CYP7B1: variants seen among roughly 807,000 people sequenced by gnomAD.
The protein encoded by CYP7B1 is cytochrome P450 7B1.
A neutral mutation model predicts 42.7 loss-of-function variants in CYP7B1; 29 were observed. The ratio of observed to expected loss-of-function variants is 0.68; its 90% CI spans 0.51 to 0.93. CYP7B1 has a LOEUF of 0.93. Among genes scored for constraint, CYP7B1 ranks in the 40% least tolerant of loss-of-function variants. The probability of loss-of-function intolerance (pLI) is 0.00; values close to 1 mark genes in which losing one functional copy is unlikely to be tolerated. For synonymous variants in CYP7B1, 235 were observed against 218.2 expected (o/e 1.08, Z -0.68); for missense variants, 655 against 600.5 (o/e 1.09, Z -0.95).
intron 1 of CYP7B1, among the ~76,000 whole-genome samples, chr8:64,786,315 C>T (rs1804525590): frequency 1.3e-5 from 2 of 152,140 alleles, no homozygotes; most frequent in Non-Finnish European, 2.9e-5. Flanking sequence ...GCCTATGAGC[C>T]TGTAAAATTA....
chr8:64,649,143 T>C (rs1321676037), intron 1 of CYP7B1, among the ~76,000 whole-genome samples: 1 of 152,164 alleles, frequency 6.6e-6, no homozygotes, highest in African/African-American at 2.4e-5. Flanking sequence ...TCGGTTCCCC[T>C]CCAGCTCTTT....
intron 2 of CYP7B1, among the ~76,000 whole-genome samples, chr8:64,620,214 T>C (rs569643992): frequency 1.3e-5 from 2 of 152,284 alleles, no homozygotes; most frequent in Admixed American, 6.5e-5. Context: ...ATTTGAATTT[T>C]AACAATTTTC....
intron 1 of CYP7B1, among the ~76,000 whole-genome samples, chr8:64,649,549 G>A (rs1806008269): frequency 6.6e-6 from 1 of 152,172 alleles, no homozygotes; most frequent in African/African-American, 2.4e-5. Context: ...TCAAGATCCT[G>A]CTTTGAATTC....
chr8:64,744,201 G>T (rs74679360), intron 1 of CYP7B1, among the ~76,000 whole-genome samples: 2,234 of 152,140 alleles, frequency 0.015, 62 homozygotes, highest in African/African-American at 0.05. Context: ...AATATTGTCT[G>T]TTTATTAATT....
At chr8:64,766,061 G>A (rs1807968900) in intron 1 of CYP7B1, among the ~76,000 whole-genome samples, 1 of 152,180 alleles carries the variant, frequency 6.6e-6, no homozygotes, top group Admixed American at 6.5e-5. Context: ...TCAGGTCAAT[G>A]ATAGGATGAC....
chr8:64,750,898 G>A (rs1807716197), intron 1 of CYP7B1, among the ~76,000 whole-genome samples: 1 of 152,154 alleles, frequency 6.6e-6, no homozygotes, highest in African/African-American at 2.4e-5. Flanking sequence ...AGGCATCACT[G>A]ATGCTACCTG....
Position 64,655,984 on chromosome 8 carries a change from G to A in CYP7B1, c.123-31445C>T, listed in dbSNP as rs569459497. 2.6e-5 allele frequency among the ~76,000 whole-genome samples: 4 copies of A among 152,138 alleles called. No homozygotes were observed. In the East Asian group the frequency reaches 5.8e-4, roughly 22 times the overall value. The stretch of plus-strand genomic sequence containing the variant: ...GGAGACCTCATGAACACAAAGAAGG[G>A]AACAACAGACACTGGGGTCTACTTG... On this transcript the variant is annotated intron_variant, in intron 1 of 5. Coordinates refer to ENST00000310193, the MANE Select transcript of CYP7B1 (RefSeq NM_004820.5).
At chr8:64,688,177 G>A (rs1806684668) in intron 1 of CYP7B1, among the ~76,000 whole-genome samples, 1 of 152,150 alleles carries the variant, frequency 6.6e-6, no homozygotes, top group Non-Finnish European at 1.5e-5. Context: ...TGATATTCAG[G>A]CTGGGTCACT....
intron 1 of CYP7B1, among the ~76,000 whole-genome samples, chr8:64,774,032 A>T (rs889276136): frequency 2.6e-5 from 4 of 152,186 alleles, no homozygotes; most frequent in Non-Finnish European, 4.4e-5. Flanking sequence ...AGCACCTAGT[A>T]CGGTCCTTCA....
intron 1 of CYP7B1, among the ~76,000 whole-genome samples, chr8:64,788,651 A>G (rs1407636553): frequency 6.6e-6 from 1 of 152,318 alleles, no homozygotes; most frequent in East Asian, 1.9e-4. Context: ...TGGGTAAATA[A>G]TAATCTTACT....
downstream of CYP7B1, among the ~76,000 whole-genome samples, chr8:64,587,552 C>T (rs1310352950): frequency 2.6e-5 from 4 of 152,198 alleles, no homozygotes; most frequent in African/African-American, 9.6e-5. Flanking sequence ...GAAAGCGCCC[C>T]GGTTTTAAAC....
downstream of CYP7B1, among the ~76,000 whole-genome samples, chr8:64,586,974 A>G (rs1241263233): frequency 6.6e-6 from 1 of 152,216 alleles, no homozygotes; most frequent in African/African-American, 2.4e-5. Flanking sequence ...CAGTAACTTC[A>G]GTTTAACAGT....
intron 1 of CYP7B1, among the ~76,000 whole-genome samples, chr8:64,646,846 C>T (rs1162841039): frequency 6.6e-6 from 1 of 152,218 alleles, no homozygotes; most frequent in Non-Finnish European, 1.5e-5. Flanking sequence ...TCTCTATCAG[C>T]AACAAGGGTG....
rs1403773953 is a variant in CYP7B1, at chr8:64,593,682, T to C, written c.*2960A>G. ...TTCAGAGATAAAAATCCAAGGAACA[T>C]GGGCTCAGTAAACAAGCCATTCCTG... On this transcript the variant is annotated 3_prime_UTR_variant, in exon 6 of 6. Transcript: ENST00000310193. Among the ~76,000 whole-genome samples, 3 of 152,130 alleles carry C rather than the reference T, an allele frequency of 2.0e-5. No homozygotes were observed. The highest frequency in any genetic ancestry group is 6.5e-5 in the Admixed American group (1 of 15,282).
At chr8:64,779,920 C>T (rs1804392049) in intron 1 of CYP7B1, among the ~76,000 whole-genome samples, 1 of 152,090 alleles carries the variant, frequency 6.6e-6, no homozygotes, top group Non-Finnish European at 1.5e-5. Flanking sequence ...AATCCAGTAC[C>T]TAAACATGAA....
intron 1 of CYP7B1, among the ~76,000 whole-genome samples, chr8:64,749,688 T>C (rs1340058267): frequency 6.6e-6 from 1 of 152,214 alleles, no homozygotes; most frequent in Non-Finnish European, 1.5e-5. Flanking sequence ...GTTCTTATAA[T>C]GGCACTTTGT....
intron 1 of CYP7B1, among the ~76,000 whole-genome samples, chr8:64,795,126 T>G (rs1274498981): frequency 6.6e-6 from 1 of 152,178 alleles, no homozygotes; most frequent in Non-Finnish European, 1.5e-5. Flanking sequence ...GTTATATATA[T>G]TACAAACCAC....
chr8:64,793,759 T>C (rs1804659523), intron 1 of CYP7B1, among the ~76,000 whole-genome samples: 1 of 152,000 alleles, frequency 6.6e-6, no homozygotes, highest in South Asian at 2.1e-4. Context: ...AAATGTATTA[T>C]TCTTTCTGTT....
chr8:64,624,490 C>CTT lies in CYP7B1; in HGVS notation c.171_172insAA (p.Val58LysfsTer4). On this transcript the variant is annotated frameshift_variant, in exon 2 of 6. Transcript: ENST00000310193. LOFTEE classifies it high-confidence loss of function. Reference sequence around the variant, plus strand: ...GGGTCTTTTCGTAAGTTCAGGACCACTCCAAGATAAGGAAGCCAACCTTTT... The same window carrying CTT: ...GGGTCTTTTCGTAAGTTCAGGACCACTTTCCAAGATAAGGAAGCCAACCTTTT... 6.2e-7 allele frequency: 1 copy of CTT among 1,613,324 alleles called. No individual in the cohort carries two copies. The highest frequency in any genetic ancestry group is 2.2e-5 in the East Asian group (1 of 44,834).
Sources: allele counts gnomAD v4.1 joint callset (sites outside exome capture counted in the v4.1 genomes callset), GRCh38; gene constraint gnomAD v4.1.1; transcripts MANE v1.5; gene names NCBI Gene and HGNC (gene_info 2026-07-23, HGNC 2026-07-21).